The following SLC25A14 variants were observed in gnomAD, a reference collection of about 807,000 sequenced individuals.
SLC25A14 encodes the protein brain mitochondrial carrier protein 1.
Under a neutral mutation model 28.1 loss-of-function variants are expected in SLC25A14, and 8 were observed. The ratio of observed to expected loss-of-function variants is 0.28; its 90% CI spans 0.17 to 0.51. The LOEUF is 0.51. Among genes scored for constraint, SLC25A14 ranks in the 20% least tolerant of loss-of-function variants. The pLI is 0.97. For synonymous variants in SLC25A14, 74 were observed against 90.6 expected, an observed-to-expected ratio of 0.82 and a Z score of 1.04; for missense variants, 135 against 263.8, an observed-to-expected ratio of 0.51 and a Z score of 3.38.
intron 5 of SLC25A14, chrX:130,349,944 G>T (rs1262917363): frequency 9.0e-6 from 1 of 111,206 alleles, no homozygotes; most frequent in Non-Finnish European, 1.9e-5. Flanking sequence ...GATTGTGAAG[G>T]GTTCTCTTCC....
rs148888253 is a variant in SLC25A14 at position 130,346,617 on chromosome X, G to A, written c.243G>A (p.Glu81=). Residue 81 remains glutamate (E), a synonymous_variant, in exon 4 of 11, where the codon GAG becomes GAA. Coordinates refer to ENST00000545805, the MANE Select transcript of SLC25A14 (RefSeq NM_001282195.2). The part of the protein sequence containing the change: ...QGQSIDARFK[E]IKYRGMFHAL... ...AAAGCATTGATGCCCGTTTCAAAGA[G>A]ATAAAATATAGAGGGATGTTCCATG... 5.8e-6 allele frequency: 7 copies of A among 1,206,894 alleles called. No homozygotes were observed. Among genetic ancestry groups the A allele is most frequent in the Middle Eastern group, 2.3e-4 (1 of 4,365 alleles).
intron 4 of SLC25A14, 137 bp from the exon 5 acceptor site, chrX:130,349,114 T>C: frequency 5.9e-6 from 2 of 341,241 alleles, no homozygotes; most frequent in Non-Finnish European, 1.0e-5. Context: ...TCTTGCTGAG[T>C]GTTTCATGAG....
Position 130,339,986 on chromosome X carries a change from A to G in SLC25A14, c.-173+10A>G, listed in dbSNP as rs935227246. ...CGATGAGCCCGAGCAGGTGAGGGGG[A>G]GCTCCTGGACTTCCAGGCTGGGGAG... On this transcript the variant is annotated intron_variant, in intron 1 of 10. Coordinates refer to ENST00000545805, the MANE Select transcript of SLC25A14 (RefSeq NM_001282195.2). The G allele has an allele frequency of 2.2e-6, 2 of 907,492 alleles. No individual in the cohort carries two copies. Among genetic ancestry groups the G allele is most frequent in the Non-Finnish European group, 1.4e-6 (1 of 737,393 alleles). The allele number at this position is 907,492 out of a possible 1,213,427, so 74.8% of individuals were successfully genotyped here.
At chrX:130,353,863 C>A (rs2033695591) in intron 6 of SLC25A14, among the ~76,000 whole-genome samples, 1 of 112,047 alleles carries the variant, frequency 8.9e-6, no homozygotes, top group Non-Finnish European at 1.9e-5. Context: ...ATCCAGTGGA[C>A]ATTTTAGTTC....
chrX:130,353,370 G>A (rs191174323), intron 6 of SLC25A14, among the ~76,000 whole-genome samples: 71 of 111,341 alleles, frequency 6.4e-4, no homozygotes, highest in Admixed American at 1.5e-3. Flanking sequence ...TTGTCTTACT[G>A]TAGTGGTTTT....
chrX:130,341,680 G>T (rs1389223761), intron 2 of SLC25A14, among the ~76,000 whole-genome samples: 1 of 112,381 alleles, frequency 8.9e-6, no homozygotes, highest in Admixed American at 9.4e-5. Flanking sequence ...CAGAATAAAT[G>T]TTGGCATTTT....
chrX:130,360,115 TAGGCTGGTCTTG>T (rs1304309617), intron 7 of SLC25A14, among the ~76,000 whole-genome samples: 1 of 105,487 alleles, frequency 9.5e-6, no homozygotes, highest in Non-Finnish European at 2.0e-5. Flanking sequence ...CTTTGTTGCC[TAGGCTGGTCTTG>T]ATCTTCTGGC....
chrX:130,352,316 C>A (rs775489744), intron 6 of SLC25A14, among the ~76,000 whole-genome samples: 11 of 112,190 alleles, frequency 9.8e-5, no homozygotes, highest in Non-Finnish European at 2.1e-4. Context: ...TCCAGTCCAA[C>A]GGTGGTGGGC....
At chrX:130,358,120 A>C (rs997743650) in intron 6 of SLC25A14, among the ~76,000 whole-genome samples, 12 of 111,960 alleles carry the variant, frequency 1.1e-4, no homozygotes, top group African/African-American at 3.9e-4. Context: ...TTAAGTTTAC[A>C]TGTTTTTTAT....
At chrX:130,370,853 C>T (rs1476941566) in intron 9 of SLC25A14, among the ~76,000 whole-genome samples, 3 of 112,117 alleles carry the variant, frequency 2.7e-5, no homozygotes, top group African/African-American at 9.7e-5. Context: ...CAAATTACTC[C>T]AAAACTCATT....
At chrX:130,354,215 G>A (rs1399283098) in intron 6 of SLC25A14, among the ~76,000 whole-genome samples, 2 of 109,261 alleles carry the variant, frequency 1.8e-5, no homozygotes, top group East Asian at 2.9e-4. Context: ...CCGGGTTCAC[G>A]CCATTCTCCT....
rs1380740071 is a variant in SLC25A14 at position 130,354,155 on chromosome X, C to T, written c.498+3424C>T. ...TTGAGACGGAGTCTCGCTCTGTCTC[C>T]CAGGCTGGAGTGCAGTGGCGCGATC... On this transcript the variant is annotated intron_variant, in intron 6 of 10. Transcript: ENST00000545805. Among the ~76,000 whole-genome samples, 3 of 106,811 alleles carry T rather than the reference C, an allele frequency of 2.8e-5. No individual in the cohort carries two copies. The East Asian group carries it at 8.7e-4, about 31-fold the overall frequency. 92.8% of individuals were successfully genotyped at this position (106,811 alleles called of 115,157 possible).
intron 6 of SLC25A14, among the ~76,000 whole-genome samples, chrX:130,356,757 GATCATC>G (rs1569453542): frequency 1.8e-5 from 2 of 111,682 alleles, no homozygotes; most frequent in Non-Finnish European, 3.8e-5. Flanking sequence ...TAGAAACCTA[GATCATC>G]TTTGATTCTT....
intron 6 of SLC25A14, among the ~76,000 whole-genome samples, chrX:130,352,024 A>G (rs911975574): frequency 9.0e-6 from 1 of 111,323 alleles, no homozygotes; most frequent in African/African-American, 3.3e-5. Context: ...CATCACCCAG[A>G]TAGTGAGCAC....
chrX:130,358,908 A>G lies in SLC25A14; in HGVS notation c.594+173A>G, dbSNP rs947177924. 1.4e-5 allele frequency: 10 copies of G among 697,584 alleles called. No individual in the cohort carries two copies. The Admixed American group carries it at 2.8e-4, about 19-fold the overall frequency. The allele number at this position is 697,584 out of a possible 1,213,427, so 57.5% of individuals were successfully genotyped here. On this transcript the variant is annotated intron_variant, in intron 7 of 10. Transcript: ENST00000545805. The stretch of plus-strand genomic sequence containing the variant: ...TATCATTGGCCTTTTATTTCTGCAT[A>G]ATGTTTGGGGATTATATAGGTGGGG...
In SLC25A14 at chrX:130,341,645, A is replaced by G. The variant is rs2033264472; in HGVS notation, c.75+1292A>G. ...CATTCTTACTTTCACTCATTAGTCT[A>G]TCAAATTCTCCGAAGTCAGATCTTC... On this transcript the variant is annotated intron_variant, in intron 2 of 10. Coordinates refer to ENST00000545805, the MANE Select transcript of SLC25A14 (RefSeq NM_001282195.2). 3.6e-5 allele frequency among the ~76,000 whole-genome samples: 4 copies of G among 112,434 alleles called. No individual in the cohort carries two copies. In the South Asian group the frequency reaches 1.1e-3, roughly 31 times the overall value.
chrX:130,346,555 G>A lies in SLC25A14; in HGVS notation c.181G>A (p.Val61Met). 8.3e-7 allele frequency: 1 copy of A among 1,206,450 alleles called. No individual in the cohort carries two copies. Among genetic ancestry groups the A allele is most frequent in the South Asian group, 1.8e-5 (1 of 56,749 alleles). Residue 61 changes from valine (V) to methionine (M), a missense_variant, in exon 4 of 11, where the codon GTG (valine) becomes ATG (methionine). Transcript: ENST00000545805. Reference protein sequence around the residue: ...SIVAEFGTFPVDLTKTRLQVQ... With the variant: ...SIVAEFGTFPMDLTKTRLQVQ... ...GTGTTCCTTTATAGGGACTTTCCCTGTGGACCTTACCAAAACACGACTTCA... is the reference window on the plus strand; with the variant it reads ...GTGTTCCTTTATAGGGACTTTCCCTATGGACCTTACCAAAACACGACTTCA...
chrX:130,373,056 T>A lies in SLC25A14; in HGVS notation c.*106T>A, dbSNP rs1315368225. 14 of 626,227 alleles carry A rather than the reference T, an allele frequency of 2.2e-5. No individual in the cohort carries two copies. Among genetic ancestry groups the A allele is most frequent in the Non-Finnish European group, 3.3e-5 (13 of 395,649 alleles). 51.6% of individuals were successfully genotyped at this position (626,227 alleles called of 1,213,427 possible). ...ATGTTGTAAGTGTTTACCAAGCCGT[T>A]GGTCTCCTAAGGGCCTCCTGATGGA... On this transcript the variant is annotated 3_prime_UTR_variant, in exon 11 of 11. Transcript: ENST00000545805.
intron 7 of SLC25A14, among the ~76,000 whole-genome samples, chrX:130,360,561 A>G (rs2033937753): frequency 8.9e-6 from 1 of 111,851 alleles, no homozygotes; most frequent in Admixed American, 9.5e-5. Context: ...CCTAATATCT[A>G]ATCACCTTTC....
Sources: gnomAD v4.1 joint callset for allele counts (sites outside exome capture counted in the v4.1 genomes callset) on GRCh38, gnomAD v4.1.1 for gene constraint, MANE v1.5 for transcripts, NCBI Gene and HGNC (gene_info 2026-07-23, HGNC 2026-07-21) for gene names.